The following LRSAM1 variants were observed in gnomAD, a reference collection of about 807,000 sequenced individuals.
The protein encoded by LRSAM1 is leucine rich repeat and sterile alpha motif containing 1.
A neutral mutation model predicts 118.1 loss-of-function variants in LRSAM1; 96 were observed. That is an observed-to-expected ratio of 0.81 (90% CI 0.69 to 0.96). The LOEUF (loss-of-function observed/expected upper bound fraction) is 0.96. LRSAM1 is among the 40% of genes least tolerant of loss of function. The probability of loss-of-function intolerance (pLI) is 0.00; values close to 1 mark genes in which losing one functional copy is unlikely to be tolerated. For synonymous variants in LRSAM1, 322 were observed against 364.2 expected, an observed-to-expected ratio of 0.88 and a Z score of 1.32; for missense variants, 804 against 915.5, an observed-to-expected ratio of 0.88 and a Z score of 1.57.
At chr9:127,487,930 G>A (rs1290687563) in intron 18 of LRSAM1, among the ~76,000 whole-genome samples, 167 bp downstream of exon 18, 1 of 151,980 alleles carries the variant, frequency 6.6e-6, no homozygotes, top group Non-Finnish European at 1.5e-5. Context: ...GGGAGAGGCT[G>A]AGGGGGGGCC....
chr9:127,501,002 C>A lies in LRSAM1; in HGVS notation c.1913-8C>A, dbSNP rs1195264320. The A allele has an allele frequency of 6.2e-7, 1 of 1,613,860 alleles. No homozygotes were observed. The highest frequency in any genetic ancestry group is 1.7e-5 in the Admixed American group (1 of 60,012). ...CCCTGGCTCAGTCTGTCTGTCTGGT[C>A]CCCACAGAGCTGAAACCACCAATGG... On this transcript the variant is annotated splice_region_variant and splice_polypyrimidine_tract_variant and intron_variant, in intron 24 of 25. Coordinates refer to ENST00000300417, the MANE Select transcript of LRSAM1 (RefSeq NM_001005373.4).
chr9:127,491,626 G>C (rs1347577639), intron 20 of LRSAM1, among the ~76,000 whole-genome samples: 2 of 152,256 alleles, frequency 1.3e-5, no homozygotes, highest in African/African-American at 4.8e-5. Context: ...GTCTCTCTCT[G>C]TAGGCCGTGC....
intron 9 of LRSAM1, among the ~76,000 whole-genome samples, chr9:127,464,212 C>T (rs1480806871): frequency 6.6e-6 from 1 of 152,246 alleles, no homozygotes; most frequent in Admixed American, 6.5e-5. Context: ...CTGGGGCCCT[C>T]CTGCCTGAGA....
Position 127,454,540 on chromosome 9 carries a change from T to C in LRSAM1, c.13T>C (p.Phe5Leu), listed in dbSNP as rs201473713. 2.5e-6 allele frequency: 4 copies of C among 1,614,118 alleles called. No homozygotes were observed. Among genetic ancestry groups the C allele is most frequent in the Non-Finnish European group, 3.4e-6 (4 of 1,180,048 alleles). MPLFFRKRKPSEEAR... is the reference protein window; with the variant it reads MPLFLRKRKPSEEAR... ...GGAAAAGGGAAGGATGCCGCTCTTCTTCCGGAAGCGGAAACCCAGTGAGGA... is the reference window on the plus strand; with the variant it reads ...GGAAAAGGGAAGGATGCCGCTCTTCCTCCGGAAGCGGAAACCCAGTGAGGA... The change falls in exon 3 of 26, where the codon TTC becomes CTC. Residue 5 changes from phenylalanine to leucine, a missense_variant. Coordinates refer to ENST00000300417, the MANE Select transcript of LRSAM1 (RefSeq NM_001005373.4).
At chr9:127,497,188 G>A (rs999547075) in intron 23 of LRSAM1, 65 bp from the exon 24 acceptor site, 30 of 1,536,528 alleles carry the variant, frequency 2.0e-5, no homozygotes, top group South Asian at 7.8e-5. Context: ...CCTGTGCCAC[G>A]TGGCTCACAC....
Position 127,462,362 on chromosome 9 carries a change from C to T in LRSAM1, c.517C>T (p.Arg173Ter), listed in dbSNP as rs746159728. ...QRLPQMLAHVRTLEMLSLDAS... is the reference protein window; with the variant it reads ...QRLPQMLAHV ...ATTGCCGCAGATGCTGGCTCACGTT[C>T]GAACCCTGGAGGTAAATGGGAAGCT... The change falls in exon 9 of 26, where the codon CGA becomes TGA. Residue 173 changes from arginine (R) to a stop codon, truncating the protein, a stop_gained. Transcript: ENST00000300417. LOFTEE classifies it high-confidence loss of function. 5.6e-6 allele frequency: 9 copies of T among 1,613,822 alleles called. No individual in the cohort carries two copies. The highest frequency in any genetic ancestry group is 1.7e-5 in the Admixed American group (1 of 59,984).
In LRSAM1 at chr9:127,467,796, C is replaced by A; in HGVS notation, c.585C>A (p.Ala195=). The change falls in exon 10 of 26, where the codon GCC becomes GCA. Residue 195 remains alanine, a synonymous_variant. Coordinates refer to ENST00000300417, the MANE Select transcript of LRSAM1 (RefSeq NM_001005373.4). ...MVYPPREVCG[A]GTAAILQFLC... ...ACCCGCCGCGGGAGGTGTGTGGTGC[C>A]GGCACTGCGGCCATCTTGCAGTTCC... 1 of 1,607,828 alleles carries A rather than the reference C, an allele frequency of 6.2e-7. No homozygotes were observed.
intron 24 of LRSAM1, among the ~76,000 whole-genome samples, chr9:127,499,584 G>C (rs987724489): frequency 2.0e-5 from 3 of 151,794 alleles, no homozygotes; most frequent in South Asian, 2.1e-4. Flanking sequence ...TGGTGGTTTG[G>C]GGGGAAGCAC....
intron 25 of LRSAM1, among the ~76,000 whole-genome samples, chr9:127,502,146 G>T (rs1222841122): frequency 6.6e-6 from 1 of 152,256 alleles, no homozygotes; most frequent in Admixed American, 6.5e-5. Flanking sequence ...CCTCCGGCAG[G>T]GGCCGGCGGA....
chr9:127,454,879 G>A, intron 3 of LRSAM1, 119 bp from the exon 4 acceptor site: 7 of 1,032,876 alleles, frequency 6.8e-6, no homozygotes, highest in Non-Finnish European at 9.1e-6. Context: ...ATGGACCAGT[G>A]GAACCAGATA....
At chr9:127,489,412 C>T (rs781702646) in intron 18 of LRSAM1, 32 bp from the exon 19 acceptor site, 4 of 1,590,262 alleles carry the variant, frequency 2.5e-6, no homozygotes, top group Non-Finnish European at 3.4e-6. Context: ...GTGGGCACGG[C>T]CCCTGCTGAG....
intron 10 of LRSAM1, among the ~76,000 whole-genome samples, chr9:127,471,859 C>T (rs530264574): frequency 2.0e-5 from 3 of 151,112 alleles, no homozygotes; most frequent in East Asian, 2.0e-4. Context: ...GACAGGGTTT[C>T]GCCATGTTGA....
chr9:127,482,140 C>CTT (rs769821359), intron 15 of LRSAM1, among the ~76,000 whole-genome samples: 90 of 117,934 alleles, frequency 7.6e-4, no homozygotes, highest in South Asian at 2.0e-3. Flanking sequence ...TTTAGTATAT[C>CTT]TTTTTTTTTT....
At chr9:127,462,479 C>A in intron 9 of LRSAM1, 106 bp downstream of exon 9, 1 of 1,564,726 alleles carries the variant, frequency 6.4e-7, no homozygotes, top group East Asian at 2.3e-5. Flanking sequence ...CAGGGCCACA[C>A]AGAGATCCCA....
At position 127,458,082 on chromosome 9, in the gene LRSAM1, A is replaced by G. The variant is rs573985085; in HGVS notation, c.252+689A>G. 1.5e-4 allele frequency among the ~76,000 whole-genome samples: 22 copies of G among 150,446 alleles called. No homozygotes were observed. The South Asian group carries it at 4.4e-3, about 30-fold the overall frequency. On this transcript the variant is annotated intron_variant, in intron 6 of 25. Coordinates refer to ENST00000300417, the MANE Select transcript of LRSAM1 (RefSeq NM_001005373.4). ...TCCAAGGCCTTTTTTGTGCATTTTC[A>G]TTTTTAAAAAATTAGCAGTCAGTCG...
intron 11 of LRSAM1, among the ~76,000 whole-genome samples, chr9:127,474,371 G>T (rs1835284160): frequency 6.6e-6 from 1 of 151,128 alleles, no homozygotes; most frequent in Middle Eastern, 3.2e-3. Flanking sequence ...GGGCTTAAGT[G>T]ATCCTCCCAC....
At chr9:127,501,647 G>A (rs1485381655) in intron 25 of LRSAM1, among the ~76,000 whole-genome samples, 3 of 152,062 alleles carry the variant, frequency 2.0e-5, no homozygotes, top group African/African-American at 4.8e-5. Context: ...CAGGAGAATC[G>A]CTTGAACCCG....
chr9:127,471,434 G>GCACTGC (rs1161915401), intron 10 of LRSAM1, among the ~76,000 whole-genome samples: 21 of 134,554 alleles, frequency 1.6e-4, no homozygotes, highest in Non-Finnish European at 3.2e-4. Flanking sequence ...TTGTGCCACT[G>GCACTGC]CACTGCAGCC....
intron 21 of LRSAM1, 78 bp from the exon 22 acceptor site, chr9:127,495,242 C>T (rs1836083780): frequency 7.9e-6 from 11 of 1,384,192 alleles, no homozygotes; most frequent in South Asian, 3.6e-5. Flanking sequence ...CATGAGCCAC[C>T]GCGCCTGGCA....
Sources: gnomAD v4.1 joint callset for allele counts (sites outside exome capture counted in the v4.1 genomes callset) on GRCh38, gnomAD v4.1.1 for gene constraint, MANE v1.5 for transcripts, NCBI Gene and HGNC (gene_info 2026-07-23, HGNC 2026-07-21) for gene names.